Variants in HIPK2 observed in about 807,000 individuals in gnomAD.
HIPK2 encodes the protein homeodomain interacting protein kinase 2.
Under a neutral mutation model 113.7 loss-of-function variants are expected in HIPK2, and 27 were observed. That is an observed-to-expected ratio of 0.24 (90% CI 0.17 to 0.33). HIPK2 has a LOEUF of 0.33. HIPK2 is among the 10% of genes least tolerant of loss of function. HIPK2 has a pLI of 1.00. For synonymous variants in HIPK2, 631 were observed against 642.2 expected, an observed-to-expected ratio of 0.98 and a Z score of 0.26; for missense variants, 1,257 against 1,588.0, an observed-to-expected ratio of 0.79 and a Z score of 3.54.
At chr7:139,603,805 T>G (rs1799521816) in intron 10 of HIPK2, among the ~76,000 whole-genome samples, 1 of 152,186 alleles carries the variant, frequency 6.6e-6, no homozygotes, top group African/African-American at 2.4e-5. Flanking sequence ...GTCTGGTGAA[T>G]TACACTGATG....
Position 139,631,153 on chromosome 7 carries a change from C to CG in HIPK2, c.1347+11dup. ...GGGCCACTGTGAGGAGTGGAGGAGACGCTCTTCCTACCTTCAGTCTCCACA... is the reference window on the plus strand; with the variant it reads ...GGGCCACTGTGAGGAGTGGAGGAGACGGCTCTTCCTACCTTCAGTCTCCACA... On this transcript the variant is annotated intron_variant, in intron 4 of 14. Coordinates refer to ENST00000406875, the MANE Select transcript of HIPK2 (RefSeq NM_022740.5). The surrounding 1 kb of genome is among the most constrained non-coding windows in gnomAD (Gnocchi z 4.9). 6.2e-7 allele frequency: 1 copy of CG among 1,605,782 alleles called. No individual in the cohort carries two copies. The highest frequency in any genetic ancestry group is 8.5e-7 in the Non-Finnish European group (1 of 1,175,774).
intron 1 of HIPK2, among the ~76,000 whole-genome samples, chr7:139,775,008 C>T (rs866719742): frequency 2.0e-5 from 3 of 152,186 alleles, no homozygotes; most frequent in African/African-American, 4.8e-5. Flanking sequence ...AAATCTCTGG[C>T]GGTTCAGAAC....
chr7:139,716,750 G>A lies in HIPK2; in HGVS notation c.285C>T (p.Val95=). ...VFPGSTGHIV[V]TSASSTSVTG... is the part of the protein sequence containing the mutation. ...TGACAGAAGTGCTGCTTGCTGAGGTGACCACGATGTGCCCGGTGCTTCCTG... is the reference window on the plus strand; with the variant it reads ...TGACAGAAGTGCTGCTTGCTGAGGTAACCACGATGTGCCCGGTGCTTCCTG... The change falls in exon 2 of 15, where the codon GTC becomes GTT. Residue 95 remains valine, a synonymous_variant. Transcript: ENST00000406875. The surrounding 1 kb of genome is among the most constrained non-coding windows in gnomAD (Gnocchi z 9.3). 3.7e-6 allele frequency: 6 copies of A among 1,613,970 alleles called. No individual in the cohort carries two copies. The highest frequency in any genetic ancestry group is 5.1e-6 in the Non-Finnish European group (6 of 1,179,888).
rs1422141292 is a variant in HIPK2, at chr7:139,620,334, G to A, written c.1782+67C>T. The A allele has an allele frequency of 2.5e-6, 4 of 1,574,314 alleles. No homozygotes were observed. The East Asian group carries it at 9.0e-5, about 35-fold the overall frequency. Reference sequence around the variant, plus strand: ...TTTTGCCTCCTGACTAGGTATGATGGAAAATACAAGTCCTGAGGCTCACAC... The same window carrying A: ...TTTTGCCTCCTGACTAGGTATGATGAAAAATACAAGTCCTGAGGCTCACAC... On this transcript the variant is annotated intron_variant, in intron 7 of 14. Coordinates refer to ENST00000406875, the MANE Select transcript of HIPK2 (RefSeq NM_022740.5).
rs534722347 is a variant in HIPK2 at position 139,603,458 on chromosome 7, T to A, written c.2255+623A>T. 2.6e-5 allele frequency among the ~76,000 whole-genome samples: 4 copies of A among 152,226 alleles called. No homozygotes were observed. The South Asian group carries it at 8.3e-4, about 32-fold the overall frequency. On this transcript the variant is annotated intron_variant, in intron 10 of 14. Transcript: ENST00000406875. ...GGCAGGGTAGAGTTCTGGAAACAGATGCAGGGGGTATGCTGTGCTGGCAGG... is the reference window on the plus strand; with the variant it reads ...GGCAGGGTAGAGTTCTGGAAACAGAAGCAGGGGGTATGCTGTGCTGGCAGG...
chr7:139,600,937 C>T (rs1799403006), intron 10 of HIPK2, among the ~76,000 whole-genome samples: 1 of 152,144 alleles, frequency 6.6e-6, no homozygotes, highest in Non-Finnish European at 1.5e-5. Context: ...TTATCCTGAA[C>T]AATATTCTAT....
At chr7:139,673,879 C>T (rs1352925226) in intron 2 of HIPK2, among the ~76,000 whole-genome samples, 1 of 94,794 alleles carries the variant, frequency 1.1e-5, no homozygotes, top group Admixed American at 1.5e-4. Flanking sequence ...GAAACCCTAT[C>T]TGTACTAAAA....
At chr7:139,775,933 G>T (rs1796734159) in intron 1 of HIPK2, among the ~76,000 whole-genome samples, 3 of 152,182 alleles carry the variant, frequency 2.0e-5, no homozygotes, top group Non-Finnish European at 4.4e-5. Context: ...CTATAGTTCT[G>T]AATTCAATGC....
At chr7:139,618,212 C>T (rs910818914) in intron 7 of HIPK2, among the ~76,000 whole-genome samples, 8 of 152,142 alleles carry the variant, frequency 5.3e-5, no homozygotes, top group African/African-American at 9.7e-5. Flanking sequence ...AGTTATGGTA[C>T]GCTTAGTAAA....
chr7:139,574,722 C>T (rs894904461), intron 14 of HIPK2, among the ~76,000 whole-genome samples: 9 of 152,330 alleles, frequency 5.9e-5, no homozygotes, highest in African/African-American at 1.7e-4. Context: ...GACTTGGGGG[C>T]TGTGGTGTGC....
chr7:139,714,638 T>C lies in HIPK2; in HGVS notation c.1103+1294A>G, dbSNP rs1312256718. On this transcript the variant is annotated intron_variant, in intron 2 of 14. Transcript: ENST00000406875. This position sits in a 1 kb window ranked among gnomAD's most constrained non-coding sequence, Gnocchi z 4.2. Reference sequence around the variant, plus strand: ...AAAGCACACGGGCAAGCGAGCGTGCTTGCTTGCAAGCAGGATGGCCTCCGG... The same window carrying C: ...AAAGCACACGGGCAAGCGAGCGTGCCTGCTTGCAAGCAGGATGGCCTCCGG... 6.6e-6 allele frequency among the ~76,000 whole-genome samples: 1 copy of C among 152,224 alleles called. No individual in the cohort carries two copies. The highest frequency in any genetic ancestry group is 1.5e-5 in the Non-Finnish European group (1 of 68,036).
chr7:139,716,459 C>T lies in HIPK2; in HGVS notation c.576G>A (p.Leu192=). 2 of 1,614,008 alleles carry T rather than the reference C, an allele frequency of 1.2e-6. No homozygotes were observed. Among genetic ancestry groups the T allele is most frequent in the Non-Finnish European group, 1.7e-6 (2 of 1,179,894 alleles). The change falls in exon 2 of 15, where the codon CTG becomes CTA. Residue 192 remains leucine (L), a synonymous_variant. Transcript: ENST00000406875. The surrounding 1 kb of genome is among the most constrained non-coding windows in gnomAD (Gnocchi z 9.3). ...CCTCGTAGGTGTTGGTCATGGAGCACAGCACCTCATGCTGCACCAGCTGAT... is the reference window on the plus strand; with the variant it reads ...CCTCGTAGGTGTTGGTCATGGAGCATAGCACCTCATGCTGCACCAGCTGAT... ...GDYQLVQHEV[L]CSMTNTYEVL...
At chr7:139,676,866 C>T (rs13236739) in intron 2 of HIPK2, among the ~76,000 whole-genome samples, 7 of 145,328 alleles carry the variant, frequency 4.8e-5, no homozygotes, top group African/African-American at 1.5e-4. Flanking sequence ...TTTTCTTTTT[C>T]TTTTTTTTTT....
chr7:139,671,894 G>T (rs1255705738), intron 2 of HIPK2, among the ~76,000 whole-genome samples: 1 of 152,092 alleles, frequency 6.6e-6, no homozygotes, highest in Non-Finnish European at 1.5e-5. Flanking sequence ...TATGAGAAAT[G>T]GTCATCACTA....
At chr7:139,705,783 A>G (rs1794875442) in intron 2 of HIPK2, among the ~76,000 whole-genome samples, 1 of 151,744 alleles carries the variant, frequency 6.6e-6, no homozygotes, top group South Asian at 2.1e-4. Context: ...CTGCCAGATG[A>G]TAGTAATGAT....
intron 1 of HIPK2, among the ~76,000 whole-genome samples, chr7:139,754,785 A>G (rs768180882): frequency 2.0e-5 from 3 of 152,138 alleles, no homozygotes; most frequent in Non-Finnish European, 4.4e-5. Flanking sequence ...GGGGAGCTGA[A>G]GGGGAGAGAA....
Position 139,562,661 on chromosome 7 carries a change from AG to A in HIPK2, c.*10265del, listed in dbSNP as rs1372967803. The A allele has an allele frequency of 6.6e-6, 1 of 152,238 alleles. No homozygotes were observed. The highest frequency in any genetic ancestry group is 1.5e-5 in the Non-Finnish European group (1 of 68,064). The allele number at this position is 152,238 out of a possible 1,614,324, so 9.4% of individuals were successfully genotyped here. The stretch of plus-strand genomic sequence containing the variant: ...CAGTGAGACAGCAGCAGCACCCTAC[AG>A]GGCCTGCTGGCTCTGCCGTGGTGAG... On this transcript the variant is annotated 3_prime_UTR_variant, in exon 15 of 15. Transcript: ENST00000406875.
At chr7:139,603,094 C>T (rs1028014992) in intron 10 of HIPK2, among the ~76,000 whole-genome samples, 17 of 152,228 alleles carry the variant, frequency 1.1e-4, no homozygotes, top group Admixed American at 2.6e-4. Flanking sequence ...ATGGAGGAAG[C>T]TGCAGTAGGG....
chr7:139,682,289 T>C (rs560573922), intron 2 of HIPK2, among the ~76,000 whole-genome samples: 2 of 152,208 alleles, frequency 1.3e-5, no homozygotes, highest in South Asian at 4.2e-4. Context: ...TGAGAGCCCA[T>C]AGTGAGTCAA....
Sources: gnomAD v4.1 joint callset for allele counts (sites outside exome capture counted in the v4.1 genomes callset) on GRCh38, gnomAD v4.1.1 for gene constraint, Gnocchi (gnomAD v3.1) non-coding constraint, MANE v1.5 for transcripts, NCBI Gene and HGNC (gene_info 2026-07-23, HGNC 2026-07-21) for gene names.